Variants in RASGRF2 observed in about 807,000 individuals in gnomAD.
RASGRF2 encodes Ras protein specific guanine nucleotide releasing factor 2.
Under a neutral mutation model 151.0 loss-of-function variants are expected in RASGRF2, and 76 were observed. That is an observed-to-expected ratio of 0.50 (90% CI 0.42 to 0.61). RASGRF2 has a LOEUF of 0.61. Among genes scored for constraint, RASGRF2 ranks in the 20% least tolerant of loss-of-function variants. The pLI is 0.00. For synonymous variants in RASGRF2, 504 were observed against 566.5 expected, an observed-to-expected ratio of 0.89 and a Z score of 1.57; for missense variants, 1,148 against 1,564.6, an observed-to-expected ratio of 0.73 and a Z score of 4.49.
At chr5:81,140,604 G>A (rs903489740) in intron 17 of RASGRF2, among the ~76,000 whole-genome samples, 5 of 152,122 alleles carry the variant, frequency 3.3e-5, no homozygotes, top group Admixed American at 6.6e-5. Context: ...AACATGCCAC[G>A]CAGCAAGCTA....
chr5:81,024,153 A>C (rs956044614), intron 1 of RASGRF2, among the ~76,000 whole-genome samples: 5 of 151,946 alleles, frequency 3.3e-5, no homozygotes, highest in Non-Finnish European at 7.4e-5. Context: ...CACTGATGAC[A>C]TGCACAGGTA....
intron 1 of RASGRF2, among the ~76,000 whole-genome samples, chr5:80,969,658 A>C (rs1362149911): frequency 6.8e-6 from 1 of 146,598 alleles, no homozygotes; most frequent in Non-Finnish European, 1.5e-5. Context: ...TCACCGTGTT[A>C]GCCAGGATGA....
At chr5:80,990,777 A>G (rs1305833366) in intron 1 of RASGRF2, among the ~76,000 whole-genome samples, 1 of 152,162 alleles carries the variant, frequency 6.6e-6, no homozygotes, top group Non-Finnish European at 1.5e-5. Flanking sequence ...AAATCTGGGA[A>G]TGAGCACAGG....
chr5:81,156,806 G>A (rs534338759), intron 17 of RASGRF2, among the ~76,000 whole-genome samples: 34 of 152,152 alleles, frequency 2.2e-4, no homozygotes, highest in African/African-American at 7.7e-4. Context: ...TCAACATTGC[G>A]CTGGAGTATC....
intron 13 of RASGRF2, among the ~76,000 whole-genome samples, chr5:81,109,681 C>T (rs867279994): frequency 1.3e-5 from 2 of 152,220 alleles, no homozygotes; most frequent in East Asian, 1.9e-4. Context: ...AAAATACCAA[C>T]GAAGACTTCA....
chr5:81,135,546 G>A (rs572539933), intron 17 of RASGRF2, among the ~76,000 whole-genome samples: 145 of 152,220 alleles, frequency 9.5e-4, no homozygotes, highest in African/African-American at 3.4e-3. Flanking sequence ...GCCCTTTTGT[G>A]ACTGGCTTCT....
chr5:81,114,351 A>G (rs1753092068), intron 15 of RASGRF2, among the ~76,000 whole-genome samples: 1 of 152,232 alleles, frequency 6.6e-6, no homozygotes, highest in African/African-American at 2.4e-5. Context: ...GTGTACCTCC[A>G]GCCTTTCCCT....
At chr5:81,163,815 G>A (rs987819207) in intron 17 of RASGRF2, among the ~76,000 whole-genome samples, 1 of 152,118 alleles carries the variant, frequency 6.6e-6, no homozygotes, top group Non-Finnish European at 1.5e-5. Context: ...ACCCTTAGAA[G>A]GTGGAGAAAT....
intron 17 of RASGRF2, among the ~76,000 whole-genome samples, chr5:81,168,421 C>A (rs1754566096): frequency 1.4e-5 from 2 of 146,804 alleles, no homozygotes; most frequent in Admixed American, 7.1e-5. Flanking sequence ...AGCAATTCTT[C>A]TGTCTCAACC....
chr5:80,968,311 T>A (rs1747789878), intron 1 of RASGRF2, among the ~76,000 whole-genome samples: 1 of 152,240 alleles, frequency 6.6e-6, no homozygotes, highest in South Asian at 2.1e-4. Flanking sequence ...AGCTTCAACA[T>A]CTTCATCTTT....
At position 80,960,954 on chromosome 5, in the gene RASGRF2, C is replaced by T; in HGVS notation, c.216C>T (p.Ser72=). 6.4e-7 allele frequency: 1 copy of T among 1,569,682 alleles called. No individual in the cohort carries two copies. Among genetic ancestry groups the T allele is most frequent in the Non-Finnish European group, 8.7e-7 (1 of 1,149,498 alleles). ...GCATGTACCTCCTGGAGGGCTGCAG[C>T]TGCGAACGAACGCCCGCGCCACCCA... is the stretch of plus-strand genomic sequence containing the variant. ...PAGMYLLEGC[S]CERTPAPPRA... Residue 72 remains serine (S), a synonymous_variant, in exon 1 of 27, where the codon AGC becomes AGT. Transcript: ENST00000265080. This position sits in a 1 kb window ranked among gnomAD's most constrained non-coding sequence, Gnocchi z 5.5.
intron 5 of RASGRF2, 107 bp downstream of exon 5, chr5:81,073,559 T>TCC: frequency 1.8e-6 from 2 of 1,139,596 alleles, no homozygotes; most frequent in Non-Finnish European, 2.4e-6. Flanking sequence ...TCTCTATTAG[T>TCC]TTATGATAGT....
At chr5:81,173,243 T>TAA (rs1754698987) in intron 17 of RASGRF2, among the ~76,000 whole-genome samples, 3 of 152,070 alleles carry the variant, frequency 2.0e-5, no homozygotes, top group Non-Finnish European at 4.4e-5. Context: ...GCAGGTGTGA[T>TAA]GGTGGGTGCC....
chr5:81,088,877 T>A (rs1046785035), intron 9 of RASGRF2, among the ~76,000 whole-genome samples: 1 of 152,226 alleles, frequency 6.6e-6, no homozygotes, highest in Non-Finnish European at 1.5e-5. Flanking sequence ...AATTTCTCCC[T>A]TTATTCATGC....
intron 12 of RASGRF2, among the ~76,000 whole-genome samples, 164 bp from the exon 13 acceptor site, chr5:81,108,832 C>CTGTGTGTGTGTG (rs200586966): frequency 5.2e-5 from 6 of 115,394 alleles, no homozygotes; most frequent in Non-Finnish European, 8.7e-5. Context: ...TATTTACCTA[C>CTGTGTGTGTGTG]TCTGTGTGTG....
At chr5:81,160,574 A>AG (rs1754358426) in intron 17 of RASGRF2, among the ~76,000 whole-genome samples, 1 of 151,938 alleles carries the variant, frequency 6.6e-6, no homozygotes, top group Non-Finnish European at 1.5e-5. Context: ...CAGGAGGCTG[A>AG]GGCAGGGGAA....
chr5:81,179,540 A>G (rs758562230), intron 17 of RASGRF2, among the ~76,000 whole-genome samples: 1 of 152,250 alleles, frequency 6.6e-6, no homozygotes, highest in Non-Finnish European at 1.5e-5. Context: ...CTTATGGGGT[A>G]CAATGTGATG....
chr5:81,196,517 C>G (rs943320923), intron 18 of RASGRF2, among the ~76,000 whole-genome samples: 1 of 152,206 alleles, frequency 6.6e-6, no homozygotes, highest in Non-Finnish European at 1.5e-5. Flanking sequence ...CCCTCTCAGA[C>G]CAGTCTTCCC....
intron 24 of RASGRF2, 149 bp from the exon 25 acceptor site, chr5:81,217,207 G>T: frequency 8.6e-7 from 1 of 1,166,794 alleles, no homozygotes; most frequent in Non-Finnish European, 1.2e-6. Flanking sequence ...AAAATTCTGC[G>T]TATTATGAAT....
Sources: gnomAD v4.1 joint callset for allele counts (sites outside exome capture counted in the v4.1 genomes callset) on GRCh38, gnomAD v4.1.1 for gene constraint, Gnocchi (gnomAD v3.1) non-coding constraint, MANE v1.5 for transcripts, NCBI Gene and HGNC (gene_info 2026-07-23, HGNC 2026-07-21) for gene names.